The following CAMSAP1 variants were observed in gnomAD, a reference collection of about 807,000 sequenced individuals.
The protein encoded by CAMSAP1 is calmodulin regulated spectrin associated protein 1.
In CAMSAP1, 58 loss-of-function variants were observed where a neutral mutation model predicts 143.5. The ratio of observed to expected loss-of-function variants is 0.40; its 90% confidence interval spans 0.33 to 0.50. The LOEUF is 0.50. Ranked by LOEUF, CAMSAP1 falls within the 20% of genes least tolerant of loss-of-function variation. The pLI is 0.45. For synonymous variants in CAMSAP1, 945 were observed against 859.3 expected (o/e 1.10, Z -1.74); for missense variants, 1,969 against 2,115.7 (o/e 0.93, Z 1.36).
intron 1 of CAMSAP1, among the ~76,000 whole-genome samples, chr9:135,891,109 GA>G (rs1279859423): frequency 6.6e-6 from 1 of 152,198 alleles, no homozygotes; most frequent in Non-Finnish European, 1.5e-5. Flanking sequence ...GCCAGGCTCA[GA>G]GAGAAACCCT....
At chr9:135,892,695 A>G (rs1358910927) in intron 1 of CAMSAP1, among the ~76,000 whole-genome samples, 3 of 151,800 alleles carry the variant, frequency 2.0e-5, no homozygotes, top group Non-Finnish European at 4.4e-5. Flanking sequence ...TACTAAAAAC[A>G]CAAAAATTAG....
chr9:135,845,485 C>T (rs1383745625), intron 7 of CAMSAP1, among the ~76,000 whole-genome samples: 4 of 152,204 alleles, frequency 2.6e-5, no homozygotes, highest in Non-Finnish European at 5.9e-5. Flanking sequence ...CTCACCACTC[C>T]TATTCAACAC....
At chr9:135,888,284 G>A (rs1396126187) in intron 1 of CAMSAP1, among the ~76,000 whole-genome samples, 2 of 152,256 alleles carry the variant, frequency 1.3e-5, no homozygotes, top group African/African-American at 4.8e-5. Context: ...CTGCAATGAG[G>A]ATGAAAAGGC....
chr9:135,820,933 G>C lies in CAMSAP1; in HGVS notation c.3728C>G (p.Ala1243Gly). ...LIEVDLSDLK[A>G]PDEDGELVSL... ...TACCAGCTCCCCATCCTCGTCGGGG[G>C]CCTTCAGGTCGGAGAGGTCCACTTC... is the stretch of plus-strand genomic sequence containing the variant. Residue 1243 changes from alanine to glycine, a missense_variant, in exon 11 of 17, where the codon GCC becomes GGC. Physicochemically the swap from Ala to Gly is moderately conservative, Grantham distance 60. Coordinates refer to ENST00000389532, the MANE Select transcript of CAMSAP1 (RefSeq NM_015447.4). This position sits in a 1 kb window ranked among gnomAD's most constrained non-coding sequence, Gnocchi z 4.4. 6.2e-7 allele frequency: 1 copy of C among 1,613,768 alleles called. No individual in the cohort carries two copies. Among genetic ancestry groups the C allele is most frequent in the Non-Finnish European group, 8.5e-7 (1 of 1,179,820 alleles).
chr9:135,892,973 A>G (rs1332977255), intron 1 of CAMSAP1, among the ~76,000 whole-genome samples: 2 of 151,900 alleles, frequency 1.3e-5, no homozygotes, highest in East Asian at 3.8e-4. Context: ...GTTTGAGACC[A>G]GCCTAGGCAA....
chr9:135,873,786 T>G (rs1448435862), intron 3 of CAMSAP1, among the ~76,000 whole-genome samples: 4 of 152,142 alleles, frequency 2.6e-5, no homozygotes, highest in African/African-American at 7.2e-5. Flanking sequence ...TAAAATCGTC[T>G]AAGAAAACTC....
chr9:135,858,722 G>C (rs1183167293), intron 5 of CAMSAP1, among the ~76,000 whole-genome samples: 3 of 152,254 alleles, frequency 2.0e-5, no homozygotes, highest in South Asian at 2.1e-4. Flanking sequence ...CTGGGTCCAA[G>C]TCTGGAAGCC....
At chr9:135,903,337 T>C (rs951947693) in intron 1 of CAMSAP1, among the ~76,000 whole-genome samples, 2 of 152,192 alleles carry the variant, frequency 1.3e-5, no homozygotes, top group Admixed American at 6.5e-5. Context: ...CATTATTTCT[T>C]TAAAAAATGC....
chr9:135,850,259 A>T (rs756771821), intron 6 of CAMSAP1, 26 bp from the exon 7 acceptor site: 1 of 1,612,888 alleles, frequency 6.2e-7, no homozygotes, highest in East Asian at 2.2e-5. Flanking sequence ...AAAAAACCAA[A>T]GTATGATAAG....
intron 7 of CAMSAP1, among the ~76,000 whole-genome samples, chr9:135,842,081 C>G (rs1486540416): frequency 6.6e-6 from 1 of 152,078 alleles, no homozygotes; most frequent in South Asian, 2.1e-4. Flanking sequence ...TAACTTAATG[C>G]AAGGAAGCTA....
At chr9:135,896,198 A>C (rs1838445529) in intron 1 of CAMSAP1, among the ~76,000 whole-genome samples, 1 of 152,228 alleles carries the variant, frequency 6.6e-6, no homozygotes, top group Non-Finnish European at 1.5e-5. Flanking sequence ...AAGTAGGTTA[A>C]AAACTAAAAG....
chr9:135,882,795 C>G lies in CAMSAP1; in HGVS notation c.423+21G>C. 1.3e-6 allele frequency: 2 copies of G among 1,540,180 alleles called. No homozygotes were observed. Among genetic ancestry groups the G allele is most frequent in the Non-Finnish European group, 1.8e-6 (2 of 1,141,832 alleles). ...GGCTCCAGAGGATGGCCCCTGGGGG[C>G]GGCCACCGCAGACCACTCACCATTT... On this transcript the variant is annotated intron_variant, in intron 2 of 16. Transcript: ENST00000389532. This position sits in a 1 kb window ranked among gnomAD's most constrained non-coding sequence, Gnocchi z 4.9.
intron 5 of CAMSAP1, among the ~76,000 whole-genome samples, chr9:135,852,774 A>G (rs2130909225): frequency 6.6e-6 from 1 of 152,328 alleles, no homozygotes; most frequent in Middle Eastern, 3.4e-3. Flanking sequence ...TTATTCTTCA[A>G]AACTACTCAG....
intron 15 of CAMSAP1, 134 bp downstream of exon 15, chr9:135,815,754 GCT>G (rs971263940): frequency 2.7e-6 from 2 of 735,352 alleles, no homozygotes; most frequent in Non-Finnish European, 4.4e-6. Flanking sequence ...GCTCAAATTA[GCT>G]CTCTTTCACT....
chr9:135,902,610 C>G (rs947762599), intron 1 of CAMSAP1, among the ~76,000 whole-genome samples: 6 of 152,192 alleles, frequency 3.9e-5, no homozygotes, highest in African/African-American at 9.7e-5. Context: ...AGTTAGCAAA[C>G]CGGAGTGTAA....
At chr9:135,897,762 G>A (rs574752310) in intron 1 of CAMSAP1, among the ~76,000 whole-genome samples, 13 of 152,260 alleles carry the variant, frequency 8.5e-5, no homozygotes, top group East Asian at 1.9e-4. Flanking sequence ...GCAAGATGGC[G>A]TAAGACTTCA....
intron 1 of CAMSAP1, among the ~76,000 whole-genome samples, chr9:135,888,267 G>A (rs1430799362): frequency 1.3e-5 from 2 of 152,216 alleles, no homozygotes; most frequent in Non-Finnish European, 2.9e-5. Context: ...TCCTTCCGTC[G>A]CTATTACTGC....
intron 7 of CAMSAP1, among the ~76,000 whole-genome samples, chr9:135,830,347 C>G (rs1835818172): frequency 6.6e-6 from 1 of 152,178 alleles, no homozygotes; most frequent in Admixed American, 6.5e-5. Flanking sequence ...AACACACAGG[C>G]TGAAAGTGAA....
intron 7 of CAMSAP1, among the ~76,000 whole-genome samples, chr9:135,827,991 A>G (rs574202961): frequency 6.6e-6 from 1 of 152,330 alleles, no homozygotes. Flanking sequence ...TCAGCTCCAG[A>G]GAGCCACCTC....
Sources: gnomAD v4.1 joint callset for allele counts (sites outside exome capture counted in the v4.1 genomes callset) on GRCh38, gnomAD v4.1.1 for gene constraint, Gnocchi (gnomAD v3.1) non-coding constraint, MANE v1.5 for transcripts, NCBI Gene and HGNC (gene_info 2026-07-23, HGNC 2026-07-21) for gene names.